The following BMPR2 variants were observed in gnomAD, a reference collection of about 807,000 sequenced individuals.
BMPR2 encodes the protein bone morphogenetic protein receptor type-2.
A neutral mutation model predicts 100.8 loss-of-function variants in BMPR2; 29 were observed. That is an observed-to-expected ratio of 0.29 (90% CI 0.21 to 0.39). BMPR2 has a LOEUF of 0.39. BMPR2 is among the 10% of genes least tolerant of loss of function. BMPR2 has a pLI of 1.00. For synonymous variants in BMPR2, 382 were observed against 442.3 expected, an observed-to-expected ratio of 0.86 and a Z score of 1.71; for missense variants, 1,011 against 1,274.5, an observed-to-expected ratio of 0.79 and a Z score of 3.15.
chr2:202,513,731 C>A lies in BMPR2; in HGVS notation c.431C>A (p.Ser144Ter). The change falls in exon 4 of 13, where the codon TCA becomes TAA. Residue 144 changes from serine (S) to a stop codon, truncating the protein, a stop_gained. Coordinates refer to ENST00000374580, the MANE Select transcript of BMPR2 (RefSeq NM_001204.7). LOFTEE classifies it high-confidence loss of function. ...TGTTTTCTTTTAGGTCCACCTCATT[C>A]ATTTAACCGAGATGAGACAATAATC... ...PDTTPLSPPH[S>*]FNRDETIIIA... The A allele has an allele frequency of 6.2e-7, 1 of 1,612,642 alleles. No homozygotes were observed. The highest frequency in any genetic ancestry group is 1.1e-5 in the South Asian group (1 of 90,958).
intron 3 of BMPR2, among the ~76,000 whole-genome samples, chr2:202,508,048 TC>T (rs1687557884): frequency 6.7e-6 from 1 of 148,540 alleles, no homozygotes; most frequent in South Asian, 2.1e-4. Context: ...TTTTATCTTA[TC>T]TAAAAAGCTG....
At chr2:202,396,861 G>A (rs901367816) in intron 1 of BMPR2, among the ~76,000 whole-genome samples, 3 of 151,604 alleles carry the variant, frequency 2.0e-5, no homozygotes, top group Non-Finnish European at 2.9e-5. Flanking sequence ...GCAGTGGCGC[G>A]ATCTCGGCTC....
chr2:202,435,609 G>C lies in BMPR2; in HGVS notation c.77-29200G>C, dbSNP rs949569117. 2.7e-5 allele frequency among the ~76,000 whole-genome samples: 4 copies of C among 149,686 alleles called. No individual in the cohort carries two copies. The East Asian group carries it at 7.7e-4, about 29-fold the overall frequency. ...TAGTGTTTATGAAGTCTACAGTAGG[G>C]TACAGTAATGTCCTAGGCCTTCACA... On this transcript the variant is annotated intron_variant, in intron 1 of 12. Coordinates refer to ENST00000374580, the MANE Select transcript of BMPR2 (RefSeq NM_001204.7).
chr2:202,501,769 C>A (rs538218542), intron 3 of BMPR2, among the ~76,000 whole-genome samples: 1 of 152,236 alleles, frequency 6.6e-6, no homozygotes, highest in Non-Finnish European at 1.5e-5. Flanking sequence ...AGGCACTACT[C>A]CTTGAGGGAC....
intron 3 of BMPR2, among the ~76,000 whole-genome samples, chr2:202,501,784 G>T (rs1687400940): frequency 1.3e-5 from 2 of 152,192 alleles, no homozygotes; most frequent in African/African-American, 4.8e-5. Context: ...AGGGACTGGT[G>T]CTTCAAATGC....
chr2:202,550,194 C>A (rs931626141), intron 10 of BMPR2, among the ~76,000 whole-genome samples: 3 of 151,844 alleles, frequency 2.0e-5, no homozygotes, highest in African/African-American at 7.3e-5. Context: ...ATGGTGAAAC[C>A]CCATCTCTAC....
chr2:202,556,033 A>G lies in BMPR2; in HGVS notation c.2368A>G (p.Lys790Glu). The G allele has an allele frequency of 6.2e-7, 1 of 1,614,244 alleles. No individual in the cohort carries two copies. The highest frequency in any genetic ancestry group is 8.5e-7 in the Non-Finnish European group (1 of 1,180,060). ...GAAACAAGTCGAAACTGGAGTTGCC[A>G]AGATGAATACAATCAATGCAGCAGA... ...NLKQVETGVA[K>E]MNTINAAEPH... Residue 790 changes from lysine (K) to glutamate (E), a missense_variant, in exon 12 of 13, where the codon AAG becomes GAG. Physicochemically the swap from Lys to Glu is moderately conservative, Grantham distance 56. Coordinates refer to ENST00000374580, the MANE Select transcript of BMPR2 (RefSeq NM_001204.7).
chr2:202,437,483 T>C (rs1314252662), intron 1 of BMPR2, among the ~76,000 whole-genome samples: 2 of 150,702 alleles, frequency 1.3e-5, no homozygotes, highest in Non-Finnish European at 2.9e-5. Flanking sequence ...ACATAGCATA[T>C]AATTCACCCA....
intron 3 of BMPR2, among the ~76,000 whole-genome samples, chr2:202,486,920 C>T (rs1212753952): frequency 1.3e-5 from 2 of 152,144 alleles, no homozygotes; most frequent in Non-Finnish European, 2.9e-5. Context: ...GTGCCAGCCA[C>T]TCAGGAGTCT....
chr2:202,485,952 G>T (rs1273131024), intron 3 of BMPR2, among the ~76,000 whole-genome samples: 2 of 152,036 alleles, frequency 1.3e-5, no homozygotes, highest in African/African-American at 2.4e-5. Flanking sequence ...TGCCTAGGGT[G>T]AGGGCAAGGG....
rs539979706 is a variant in BMPR2, at chr2:202,403,349, A to G, written c.76+25799A>G. On this transcript the variant is annotated intron_variant, in intron 1 of 12. Coordinates refer to ENST00000374580, the MANE Select transcript of BMPR2 (RefSeq NM_001204.7). ...CGAGTAGCTGGGACTACAGTTGCGC[A>G]CTGCCACGCCTGGCTAATTTTTGTA... Among the ~76,000 whole-genome samples the G allele has an allele frequency of 1.8e-4, 27 of 151,866 alleles. No homozygotes were observed. In the South Asian group the frequency reaches 5.4e-3, roughly 30 times the overall value.
intron 11 of BMPR2, among the ~76,000 whole-genome samples, chr2:202,554,876 A>G (rs1688535716): frequency 6.6e-6 from 1 of 152,226 alleles, no homozygotes; most frequent in Non-Finnish European, 1.5e-5. Context: ...CAGAAAACAT[A>G]TACCATGGTT....
At chr2:202,528,061 C>G (rs1026571413) in intron 7 of BMPR2, among the ~76,000 whole-genome samples, 1 of 152,072 alleles carries the variant, frequency 6.6e-6, no homozygotes, top group African/African-American at 2.4e-5. Context: ...GTGGCATGCA[C>G]CTGTAGTCCC....
At chr2:202,463,760 G>A (rs1045675532) in intron 1 of BMPR2, among the ~76,000 whole-genome samples, 4 of 152,226 alleles carry the variant, frequency 2.6e-5, no homozygotes, top group African/African-American at 9.7e-5. Flanking sequence ...CGGATTATGT[G>A]TGTGGAGAAA....
chr2:202,517,461 G>C (rs1687733590), intron 5 of BMPR2, among the ~76,000 whole-genome samples: 1 of 151,016 alleles, frequency 6.6e-6, no homozygotes, highest in African/African-American at 2.4e-5. Flanking sequence ...GGATCTTTAT[G>C]CAAGTATTTA....
At chr2:202,484,918 G>A (rs1260557896) in intron 3 of BMPR2, among the ~76,000 whole-genome samples, 4 of 132,730 alleles carry the variant, frequency 3.0e-5, no homozygotes, top group Non-Finnish European at 6.1e-5. Flanking sequence ...GCAGTGAGCC[G>A]AAATCGTGCC....
At chr2:202,457,742 T>C (rs1377949414) in intron 1 of BMPR2, among the ~76,000 whole-genome samples, 1 of 152,084 alleles carries the variant, frequency 6.6e-6, no homozygotes, top group Non-Finnish European at 1.5e-5. Context: ...TTTTTTGGTT[T>C]TTTTTGAAAT....
chr2:202,414,125 G>A (rs1691074923), intron 1 of BMPR2, among the ~76,000 whole-genome samples: 1 of 152,188 alleles, frequency 6.6e-6, no homozygotes, highest in African/African-American at 2.4e-5. Flanking sequence ...TTTTCCAACA[G>A]CATGTGCTCT....
intron 1 of BMPR2, among the ~76,000 whole-genome samples, chr2:202,407,545 G>T (rs921765880): frequency 6.6e-6 from 1 of 151,976 alleles, no homozygotes; most frequent in Non-Finnish European, 1.5e-5. Context: ...GGCCGAGACG[G>T]GTGGATCACG....
Sources: gnomAD v4.1 joint callset for allele counts (sites outside exome capture counted in the v4.1 genomes callset) on GRCh38, gnomAD v4.1.1 for gene constraint, MANE v1.5 for transcripts, NCBI Gene and HGNC (gene_info 2026-07-23, HGNC 2026-07-21) for gene names.